RUSC2: variants seen among roughly 807,000 people sequenced by gnomAD.
RUSC2 encodes AP-4 complex accessory subunit RUSC2.
In RUSC2, 34 loss-of-function variants were observed where a neutral mutation model predicts 122.2. That is an observed-to-expected ratio of 0.28 (90% CI 0.21 to 0.37). The LOEUF (loss-of-function observed/expected upper bound fraction) is 0.37, where lower values mean the gene tolerates loss of function less well. Among genes scored for constraint, RUSC2 ranks in the 10% least tolerant of loss-of-function variants. The pLI, the probability that RUSC2 is intolerant of heterozygous loss-of-function variation, is 1.00. For synonymous variants in RUSC2, 784 were observed against 790.0 expected (o/e 0.99, Z 0.13); for missense variants, 1,747 against 1,952.4 (o/e 0.89, Z 1.98).
At chr9:35,505,776 A>T (rs1352652548) in intron 1 of RUSC2, among the ~76,000 whole-genome samples, 1 of 152,194 alleles carries the variant, frequency 6.6e-6, no homozygotes, top group Non-Finnish European at 1.5e-5. Flanking sequence ...ATCTCAGTGG[A>T]TGCAGAAAAC....
At chr9:35,514,660 T>C (rs1282902528) in intron 1 of RUSC2, among the ~76,000 whole-genome samples, 3 of 152,066 alleles carry the variant, frequency 2.0e-5, no homozygotes, top group African/African-American at 7.2e-5. Context: ...CCAACACTGG[T>C]GACTTAAATA....
At chr9:35,514,753 A>G (rs1333736212) in intron 1 of RUSC2, among the ~76,000 whole-genome samples, 2 of 152,176 alleles carry the variant, frequency 1.3e-5, no homozygotes, top group African/African-American at 4.8e-5. Context: ...CACAGTCATT[A>G]GAGACCCACA....
At chr9:35,541,699 C>T (rs1296683517) in intron 1 of RUSC2, among the ~76,000 whole-genome samples, 1 of 152,018 alleles carries the variant, frequency 6.6e-6, no homozygotes, top group Non-Finnish European at 1.5e-5. Flanking sequence ...CCTGCCTCAG[C>T]CTCCCAAAGT....
intron 2 of RUSC2, among the ~76,000 whole-genome samples, chr9:35,552,757 A>T (rs1821926456): frequency 1.3e-5 from 2 of 152,170 alleles, no homozygotes; most frequent in Admixed American, 1.3e-4. Flanking sequence ...AGAAAAACTG[A>T]CTCGGGTGAA....
chr9:35,533,246 C>CAA (rs67387968), intron 1 of RUSC2, among the ~76,000 whole-genome samples: 63,846 of 122,262 alleles, frequency 0.52, 14,793 homozygotes, highest in Admixed American at 0.61. Flanking sequence ...GACTCTGTCT[C>CAA]AAAAAAAAAA....
chr9:35,549,048 A>T (rs1318305433), intron 2 of RUSC2: 1 of 983,054 alleles, frequency 1.0e-6, no homozygotes, highest in Non-Finnish European at 1.2e-6. Flanking sequence ...AAAAAAATAA[A>T]TAAATACACT....
In RUSC2 at chr9:35,555,429, C is replaced by A. The variant is rs758387749; in HGVS notation, c.2384C>A (p.Ser795Tyr). The A allele has an allele frequency of 6.2e-7, 1 of 1,614,262 alleles. No individual in the cohort carries two copies. The highest frequency in any genetic ancestry group is 8.5e-7 in the Non-Finnish European group (1 of 1,180,044). Residue 795 changes from serine (S) to tyrosine (Y), a missense_variant, in exon 3 of 12, where the codon TCT becomes TAT. Transcript: ENST00000361226. The surrounding 1 kb of genome is among the most constrained non-coding windows in gnomAD (Gnocchi z 4.6). ...SVGPFGPSTD[S>Y]SASTSCSPPP... Reference sequence around the variant, plus strand: ...GGCCCCTTTGGGCCCAGCACTGACTCTTCTGCCTCCACTTCGTGCTCCCCT... The same window carrying A: ...GGCCCCTTTGGGCCCAGCACTGACTATTCTGCCTCCACTTCGTGCTCCCCT...
intron 1 of RUSC2, among the ~76,000 whole-genome samples, chr9:35,531,130 G>A (rs995422874): frequency 2.2e-4 from 33 of 152,124 alleles, no homozygotes; most frequent in African/African-American, 7.7e-4. Flanking sequence ...GCTTGGTGTC[G>A]GGTACCTGTA....
intron 1 of RUSC2, among the ~76,000 whole-genome samples, chr9:35,537,540 A>G (rs562835691): frequency 6.6e-6 from 1 of 152,208 alleles, no homozygotes; most frequent in Admixed American, 6.5e-5. Flanking sequence ...AAGGCTGGAG[A>G]TGGGTCTTTG....
In RUSC2 at chr9:35,548,118, G is replaced by C; in HGVS notation, c.1597G>C (p.Gly533Arg). The C allele has an allele frequency of 6.2e-7, 1 of 1,613,226 alleles. No individual in the cohort carries two copies. Among genetic ancestry groups the C allele is most frequent in the Admixed American group, 1.7e-5 (1 of 60,030 alleles). Residue 533 changes from glycine to arginine, a missense_variant, in exon 2 of 12, where the codon GGG becomes CGG. Physicochemically the swap from Gly to Arg is moderately radical, Grantham distance 125. Transcript: ENST00000361226. This position sits in a 1 kb window ranked among gnomAD's most constrained non-coding sequence, Gnocchi z 4.5. Reference sequence around the variant, plus strand: ...GAGTGAGGGCCCTGCAGCCATGGCCGGGCCTGGCTCCCCACCCAGGAGGGT... The same window carrying C: ...GAGTGAGGGCCCTGCAGCCATGGCCCGGCCTGGCTCCCCACCCAGGAGGGT... ...RLSEGPAAMA[G>R]PGSPPRRVTS...
In RUSC2 at chr9:35,557,918, G is replaced by C. The variant is rs375304496; in HGVS notation, c.2988G>C (p.Leu996=). The C allele has an allele frequency of 3.5e-4, 569 of 1,614,024 alleles. 1 individual carries two copies. Among genetic ancestry groups the C allele is most frequent in the Non-Finnish European group, 4.6e-4 (547 of 1,179,978 alleles). Residue 996 remains leucine (L), a synonymous_variant, in exon 6 of 12, where the codon CTG becomes CTC. Coordinates refer to ENST00000361226, the MANE Select transcript of RUSC2 (RefSeq NM_014806.5). This position sits in a 1 kb window ranked among gnomAD's most constrained non-coding sequence, Gnocchi z 4.6. ...ISIDLLQKKG[L]VKAVNIAVDL... Reference sequence around the variant, plus strand: ...ACATCACATTCTTCCCTGCAGGGCTGGTAAAAGCTGTTAACATCGCTGTGG... The same window carrying C: ...ACATCACATTCTTCCCTGCAGGGCTCGTAAAAGCTGTTAACATCGCTGTGG...
rs777189853 is a variant in RUSC2, at chr9:35,561,849, T to TATTTA, written c.*468_*472dup. The TATTTA allele has an allele frequency of 5.5e-5, 35 of 631,346 alleles. No individual in the cohort carries two copies. Among genetic ancestry groups the TATTTA allele is most frequent in the South Asian group, 2.1e-4 (11 of 52,404 alleles). The allele number at this position is 631,346 out of a possible 1,614,324, so 39.1% of individuals were successfully genotyped here. On this transcript the variant is annotated 3_prime_UTR_variant, in exon 12 of 12. Transcript: ENST00000361226. Reference sequence around the variant, plus strand: ...CCAGGCGTCTGTTTATGTATTTATTTATTTATTTATTATACCTATTAATAA... The same window carrying TATTTA: ...CCAGGCGTCTGTTTATGTATTTATTTATTTAATTTATTTATTATACCTATTAATAA...
At chr9:35,531,861 T>C (rs1821425533) in intron 1 of RUSC2, among the ~76,000 whole-genome samples, 1 of 151,906 alleles carries the variant, frequency 6.6e-6, no homozygotes, top group Admixed American at 6.6e-5. Flanking sequence ...CCTCCTCTAC[T>C]AAAAATACAA....
At chr9:35,491,073 G>A (rs1177703090) in intron 1 of RUSC2, among the ~76,000 whole-genome samples, 1 of 151,068 alleles carries the variant, frequency 6.6e-6, no homozygotes, top group Non-Finnish European at 1.5e-5. Context: ...TGTGAACAGT[G>A]TCCGTGATAA....
Position 35,560,354 on chromosome 9 carries a change from AGAAGAGGAAGAG to A in RUSC2, c.3720_3731del (p.Glu1243_Glu1246del). On this transcript the variant is annotated inframe_deletion, in exon 10 of 12. Transcript: ENST00000361226. ...AGGGTGTGGGTGCCTCAGAAGGTGG[AGAAGAGGAAGAG>A]GAAGAAGAGGAGACAGAAGAGGTGG... The A allele has an allele frequency of 3.1e-6, 5 of 1,612,290 alleles. No homozygotes were observed. The highest frequency in any genetic ancestry group is 3.4e-6 in the Non-Finnish European group (4 of 1,179,016).
At chr9:35,527,245 C>T (rs1031926532) in intron 1 of RUSC2, among the ~76,000 whole-genome samples, 6 of 152,076 alleles carry the variant, frequency 3.9e-5, no homozygotes, top group African/African-American at 1.4e-4. Context: ...TCAAGCAGTC[C>T]TCTAACTTCA....
Position 35,546,721 on chromosome 9 carries a change from T to A in RUSC2, c.200T>A (p.Phe67Tyr). The A allele has an allele frequency of 1.3e-6, 2 of 1,564,690 alleles. No individual in the cohort carries two copies. Among genetic ancestry groups the A allele is most frequent in the Non-Finnish European group, 1.7e-6 (2 of 1,156,040 alleles). ...CTAGGACAAGCTGACTCCCTGCTATTCAGCAGCCTGCACTCTACTCCAGGA... is the reference window on the plus strand; with the variant it reads ...CTAGGACAAGCTGACTCCCTGCTATACAGCAGCCTGCACTCTACTCCAGGA... The part of the protein sequence containing the change: ...QDLGQADSLL[F>Y]SSLHSTPGGT... The change falls in exon 2 of 12, where the codon TTC (phenylalanine) becomes TAC (tyrosine). Residue 67 changes from phenylalanine to tyrosine, a missense_variant. Physicochemically the swap from Phe to Tyr is conservative, Grantham distance 22. Transcript: ENST00000361226. This position sits in a 1 kb window ranked among gnomAD's most constrained non-coding sequence, Gnocchi z 4.3.
chr9:35,558,404 G>T lies in RUSC2; in HGVS notation c.3235+33G>T. On this transcript the variant is annotated intron_variant, in intron 7 of 11. Transcript: ENST00000361226. This position sits in a 1 kb window ranked among gnomAD's most constrained non-coding sequence, Gnocchi z 4.3. Reference sequence around the variant, plus strand: ...CTGGGTGCCAAGACGGGGACCCAGGGCTGAATTTAGGGCTCCAGAAATTGG... The same window carrying T: ...CTGGGTGCCAAGACGGGGACCCAGGTCTGAATTTAGGGCTCCAGAAATTGG... 6.2e-7 allele frequency: 1 copy of T among 1,613,880 alleles called. No individual in the cohort carries two copies. The highest frequency in any genetic ancestry group is 1.1e-5 in the South Asian group (1 of 91,078).
At chr9:35,490,346 G>A (rs909907980) in intron 1 of RUSC2, among the ~76,000 whole-genome samples, 174 bp downstream of exon 1, 4 of 151,730 alleles carry the variant, frequency 2.6e-5, no homozygotes, top group Non-Finnish European at 4.4e-5. Context: ...CGACCCCCTG[G>A]GCAGACCTCG....
Sources: allele counts gnomAD v4.1 joint callset (sites outside exome capture counted in the v4.1 genomes callset), GRCh38; gene constraint gnomAD v4.1.1; non-coding constraint Gnocchi (gnomAD v3.1); transcripts MANE v1.5; gene names NCBI Gene and HGNC (gene_info 2026-07-23, HGNC 2026-07-21).